Variants in FXYD6 observed in about 807,000 individuals in gnomAD.
FXYD6 encodes FXYD domain containing ion transport regulator 6.
A neutral mutation model predicts 16.7 loss-of-function variants in FXYD6; 7 were observed. The ratio of observed to expected loss-of-function variants is 0.42; its 90% CI spans 0.24 to 0.79. FXYD6 has a LOEUF of 0.79. Ranked by LOEUF, FXYD6 falls within the 30% of genes least tolerant of loss-of-function variation. FXYD6 has a pLI of 0.28. For missense variants in FXYD6, 111 were observed against 116.2 expected, an observed-to-expected ratio of 0.95 and a Z score of 0.21; for synonymous variants, 49 against 43.0, an observed-to-expected ratio of 1.14 and a Z score of -0.54.
At chr11:117,857,248 T>C (rs2845939) in intron 1 of FXYD6, among the ~76,000 whole-genome samples, 138,774 of 152,148 alleles carry the variant, frequency 0.91, 63,408 homozygotes, top group East Asian at 1. Flanking sequence ...GGGGAGTAAA[T>C]ACGTGATGAG....
intron 1 of FXYD6, among the ~76,000 whole-genome samples, chr11:117,853,335 G>T (rs1334347331): frequency 6.6e-6 from 1 of 152,192 alleles, no homozygotes; most frequent in Non-Finnish European, 1.5e-5. Flanking sequence ...CCCTCTCAAG[G>T]GTTCTTGGCT....
At position 117,858,677 on chromosome 11, in the gene FXYD6, TTCTTTCTTTCTTTCTTTCTTTCTTTC is replaced by T. The variant is rs1171690533; in HGVS notation, c.-5-15922_-5-15897del. Among the ~76,000 whole-genome samples, 43 of 87,750 alleles carry T rather than the reference TTCTTTCTTTCTTTCTTTCTTTCTTTC, an allele frequency of 4.9e-4. 1 individual carries two copies. In the South Asian group the frequency reaches 0.021, roughly 42 times the overall value. The allele number at this position is 87,750 out of a possible 152,430, so 57.6% of individuals were successfully genotyped here. A position where few individuals can be genotyped will look rare whatever the true frequency, so the allele number is the denominator to read the frequency against. ...TTTCTTTCTTTCTTTCTTTCTTTCT[TTCTTTCTTTCTTTCTTTCTTTCTTTC>T]TCTCTCTCTCTCCTTCCTTCCCTTC... On this transcript the variant is annotated intron_variant, in intron 1 of 7. Coordinates refer to ENST00000526014, the MANE Select transcript of FXYD6 (RefSeq NM_022003.4).
intron 1 of FXYD6, among the ~76,000 whole-genome samples, chr11:117,852,985 G>A (rs1397790028): frequency 1.3e-5 from 2 of 152,152 alleles, no homozygotes; most frequent in African/African-American, 4.8e-5. Context: ...TTTTGAAATT[G>A]CCTGGGCATT....
At chr11:117,842,392 G>A (rs1348874554) in intron 2 of FXYD6, 6 of 554,944 alleles carry the variant, frequency 1.1e-5, no homozygotes, top group South Asian at 2.1e-5. Flanking sequence ...GCCAGCACTT[G>A]CTAATATGGT....
At chr11:117,860,414 G>A (rs2056878000) in intron 1 of FXYD6, among the ~76,000 whole-genome samples, 1 of 152,204 alleles carries the variant, frequency 6.6e-6, no homozygotes, top group African/African-American at 2.4e-5. Context: ...ACAATGCAGG[G>A]GCTCCCGCAT....
At chr11:117,843,605 T>C (rs914079692) in intron 1 of FXYD6, 8 of 152,118 alleles carry the variant, frequency 5.3e-5, no homozygotes, top group Admixed American at 3.3e-4. Context: ...AGACTTGTGG[T>C]TTCCTGGGCC....
At chr11:117,875,467 G>A (rs2057237514) in intron 1 of FXYD6, among the ~76,000 whole-genome samples, 2 of 152,182 alleles carry the variant, frequency 1.3e-5, no homozygotes, top group East Asian at 1.9e-4. Context: ...GGAGAAAGAG[G>A]GAGGCTGAGA....
intron 2 of FXYD6, chr11:117,842,386 G>A: frequency 1.8e-6 from 1 of 554,676 alleles, no homozygotes; most frequent in Non-Finnish European, 3.2e-6. Context: ...CACGAGGCCA[G>A]CACTTGCTAA....
chr11:117,858,777 C>CTTCCTTCCTTCCTTCCTTCCTTCTTTCT lies in FXYD6; in HGVS notation c.-5-15997_-5-15996insAGAAAGAAGGAAGGAAGGAAGGAAGGAA. Reference sequence around the variant, plus strand: ...CCTTCCTTCCTTCCTTCCTTCCTTCCTTCTTTCTTTTCTTTTTTAGACAGT... The same window carrying CTTCCTTCCTTCCTTCCTTCCTTCTTTCT: ...CCTTCCTTCCTTCCTTCCTTCCTTCCTTCCTTCCTTCCTTCCTTCCTTCTTTCTTTCTTTCTTTTCTTTTTTAGACAGT... On this transcript the variant is annotated intron_variant, in intron 1 of 7. Coordinates refer to ENST00000526014, the MANE Select transcript of FXYD6 (RefSeq NM_022003.4). Among the ~76,000 whole-genome samples, 4 of 75,476 alleles carry CTTCCTTCCTTCCTTCCTTCCTTCTTTCT rather than the reference C, an allele frequency of 5.3e-5. 1 individual carries two copies. The Admixed American group carries it at 7.1e-4, about 13-fold the overall frequency. 49.5% of individuals were successfully genotyped at this position (75,476 alleles called of 152,430 possible). A position where few individuals can be genotyped will look rare whatever the true frequency, so the allele number is the denominator to read the frequency against.
At chr11:117,842,573 C>T in intron 2 of FXYD6, 146 bp downstream of exon 2, 4 of 802,026 alleles carry the variant, frequency 5.0e-6, no homozygotes, top group South Asian at 1.7e-5. Context: ...ACTTTCTCTG[C>T]TGACTGAAGG....
At chr11:117,842,116 C>A (rs2056361338) in intron 2 of FXYD6, 88 bp from the exon 3 acceptor site, 2 of 1,592,652 alleles carry the variant, frequency 1.3e-6, no homozygotes, top group African/African-American at 2.7e-5. Flanking sequence ...CCTCAGTCTC[C>A]ACAAAGGAAT....
chr11:117,853,128 G>C (rs1465373333), intron 1 of FXYD6, among the ~76,000 whole-genome samples: 1 of 152,070 alleles, frequency 6.6e-6, no homozygotes, highest in Admixed American at 6.5e-5. Flanking sequence ...TCTACTTTTT[G>C]TTTCTGTGCC....
At chr11:117,842,830 T>G in intron 1 of FXYD6, 49 bp from the exon 2 acceptor site, 1 of 1,544,024 alleles carries the variant, frequency 6.5e-7, no homozygotes, top group Non-Finnish European at 8.8e-7. Flanking sequence ...GAAGCCTCCA[T>G]CCGTCAGCTC....
chr11:117,857,227 T>C lies in FXYD6; in HGVS notation c.-5-14446A>G, dbSNP rs1181837485. Among the ~76,000 whole-genome samples, 6 of 152,120 alleles carry C rather than the reference T, an allele frequency of 3.9e-5. No individual in the cohort carries two copies. In the East Asian group the frequency reaches 1.2e-3, roughly 29 times the overall value. On this transcript the variant is annotated intron_variant, in intron 1 of 7. Coordinates refer to ENST00000526014, the MANE Select transcript of FXYD6 (RefSeq NM_022003.4). ...GGAGGCATGGGGCCCAAATGCTCACTCTCTCACACAGGGGAGTAAATACGT... is the reference window on the plus strand; with the variant it reads ...GGAGGCATGGGGCCCAAATGCTCACCCTCTCACACAGGGGAGTAAATACGT...
At chr11:117,850,956 G>A (rs2056598780) in intron 1 of FXYD6, among the ~76,000 whole-genome samples, 2 of 152,148 alleles carry the variant, frequency 1.3e-5, no homozygotes, top group African/African-American at 4.8e-5. Flanking sequence ...TTATTAGGCA[G>A]AATACCCTCC....
intron 1 of FXYD6, among the ~76,000 whole-genome samples, chr11:117,856,498 T>C (rs1377546643): frequency 6.6e-6 from 1 of 152,040 alleles, no homozygotes; most frequent in Non-Finnish European, 1.5e-5. Flanking sequence ...CGGGCCTGGG[T>C]CTTAGCAGGA....
intron 1 of FXYD6, among the ~76,000 whole-genome samples, chr11:117,863,103 G>A (rs1038678775): frequency 7.9e-5 from 12 of 152,152 alleles, no homozygotes; most frequent in Non-Finnish European, 1.5e-4. Flanking sequence ...ATTAGAAAAG[G>A]AGAGGCTCAG....
intron 1 of FXYD6, 115 bp downstream of exon 1, chr11:117,876,477 C>T (rs558778425): frequency 6.5e-6 from 1 of 152,774 alleles, no homozygotes; most frequent in Admixed American, 6.5e-5. Context: ...GGACCGCACA[C>T]ACCCACTGAA....
At chr11:117,858,735 T>C (rs1256883780) in intron 1 of FXYD6, among the ~76,000 whole-genome samples, 1,170 of 101,628 alleles carry the variant, frequency 0.012, 74 homozygotes, top group African/African-American at 0.043. Flanking sequence ...CTTCCTTCCT[T>C]CCTTCCTTCC....
Sources: allele counts gnomAD v4.1 joint callset (sites outside exome capture counted in the v4.1 genomes callset), GRCh38; gene constraint gnomAD v4.1.1; transcripts MANE v1.5; gene names NCBI Gene and HGNC (gene_info 2026-07-23, HGNC 2026-07-21).